Variants in THTPA observed in about 807,000 individuals in gnomAD.
The protein encoded by THTPA is thiamine-triphosphatase.
THTPA carries 16 observed loss-of-function variants against 16.5 expected under a neutral mutation model. The ratio of observed to expected loss-of-function variants is 0.97; its 90% CI spans 0.66 to 1.47. THTPA has a LOEUF of 1.47. THTPA is among the 40% of genes most tolerant of loss of function. The pLI is 0.00. For synonymous variants in THTPA, 110 were observed against 115.5 expected, an observed-to-expected ratio of 0.95 and a Z score of 0.30; for missense variants, 281 against 280.9, an observed-to-expected ratio of 1.00 and a Z score of 0.00.
Position 23,556,741 on chromosome 14 carries a change from A to T in THTPA, c.-17A>T. The T allele has an allele frequency of 6.2e-7, 1 of 1,606,674 alleles. No homozygotes were observed. Among genetic ancestry groups the T allele is most frequent in the South Asian group, 1.1e-5 (1 of 89,852 alleles). On this transcript the variant is annotated 5_prime_UTR_variant, in exon 1 of 2. Transcript: ENST00000288014. Reference sequence around the variant, plus strand: ...TTGGGAACTCAGCAAACGTTTGTTCAGCCAATTGCAGGTAGCATGGCCCAG... The same window carrying T: ...TTGGGAACTCAGCAAACGTTTGTTCTGCCAATTGCAGGTAGCATGGCCCAG...
rs767290299 is a variant in THTPA at position 23,557,316 on chromosome 14, A to C, written c.547+12A>C. 7 of 1,575,242 alleles carry C rather than the reference A, an allele frequency of 4.4e-6. No homozygotes were observed. The African/African-American group carries it at 9.4e-5, about 21-fold the overall frequency. ...CAGCAGCATGCTTGGTGAGGGAGAC[A>C]GGCCCTTTTGTGCTTTTCCTGCTCC... On this transcript the variant is annotated intron_variant, in intron 1 of 1. Coordinates refer to ENST00000288014, the MANE Select transcript of THTPA (RefSeq NM_024328.6).
chr14:23,533,508 C>T, the THTPA span: 1 of 1,536,080 alleles, frequency 6.5e-7, no homozygotes, highest in Non-Finnish European at 8.7e-7. This position sits in a 1 kb window ranked among gnomAD's most constrained non-coding sequence, Gnocchi z 4.8. Context: ...GTGGCAGGCC[C>T]AGCGGCAGCC....
chr14:23,531,415 C>T, the THTPA span: 2 of 1,345,820 alleles, frequency 1.5e-6, no homozygotes, highest in Non-Finnish European at 1.9e-6. Flanking sequence ...CTCCGCAGCC[C>T]CCCTGCTCCC....
At chr14:23,522,393 CA>C in the THTPA span, 2 of 1,536,358 alleles carry the variant, frequency 1.3e-6, no homozygotes, top group Non-Finnish European at 1.7e-6. Context: ...TCAACCTCAC[CA>C]GCTTCCCCCT....
At chr14:23,550,847 T>C in the THTPA span, among the ~76,000 whole-genome samples, 4 of 151,990 alleles carry the variant, frequency 2.6e-5, no homozygotes, top group South Asian at 8.3e-4. Flanking sequence ...CCCAGCGCGC[T>C]AGCCCATCCA....
chr14:23,521,696 T>C, the THTPA span: 2 of 484,684 alleles, frequency 4.1e-6, no homozygotes, highest in Non-Finnish European at 7.2e-6. Flanking sequence ...CCAAGATGGG[T>C]GTATGTGTCT....
chr14:23,517,254 CAT>C, the THTPA span, among the ~76,000 whole-genome samples: 1 of 152,198 alleles, frequency 6.6e-6, no homozygotes, highest in African/African-American at 2.4e-5. Context: ...CTTCCCATAA[CAT>C]ATAGTTTCTC....
chr14:23,555,403 C>T (rs1443458676), upstream of THTPA, among the ~76,000 whole-genome samples: 1 of 152,166 alleles, frequency 6.6e-6, no homozygotes, highest in Non-Finnish European at 1.5e-5. Flanking sequence ...AAGGCTTTTC[C>T]CTCAACTGCA....
At chr14:23,541,018 T>G in the THTPA span, among the ~76,000 whole-genome samples, 1 of 152,084 alleles carries the variant, frequency 6.6e-6, no homozygotes, top group African/African-American at 2.4e-5. Flanking sequence ...TGATTCTCCC[T>G]GCCATAGCCT....
At chr14:23,555,207 C>T (rs924155592), upstream of THTPA, among the ~76,000 whole-genome samples, 4 of 152,112 alleles carry the variant, frequency 2.6e-5, no homozygotes, top group African/African-American at 7.2e-5. Context: ...CCATGTTGGC[C>T]AGGCTGGTCT....
chr14:23,518,742 G>T, the THTPA span, among the ~76,000 whole-genome samples: 4 of 152,188 alleles, frequency 2.6e-5, no homozygotes, highest in Admixed American at 1.3e-4. The surrounding 1 kb of genome is among the most constrained non-coding windows in gnomAD (Gnocchi z 4.5). Context: ...GTGTTATTGT[G>T]CCAAATGCTT....
the THTPA span, chr14:23,527,901 CTTT>C: frequency 0.039 from 16,794 of 432,736 alleles, no homozygotes; most frequent in East Asian, 0.055. Context: ...GCCCCCACTC[CTTT>C]TTTTTTTTTT....
At chr14:23,552,406 C>T (rs1020949616), upstream of THTPA, among the ~76,000 whole-genome samples, 1 of 151,292 alleles carries the variant, frequency 6.6e-6, no homozygotes. Context: ...GATTCTCCTA[C>T]CTCAGCCTCC....
chr14:23,527,538 C>G, the THTPA span: 12 of 1,523,278 alleles, frequency 7.9e-6, no homozygotes, highest in Non-Finnish European at 1.1e-5. Flanking sequence ...ACCCCTGCCT[C>G]TTCCTCCCCT....
chr14:23,529,571 TG>T, the THTPA span: 1 of 872,538 alleles, frequency 1.1e-6, no homozygotes, highest in Non-Finnish European at 1.8e-6. Context: ...GAACTGGATC[TG>T]GGTGGAATTT....
chr14:23,534,659 C>A, the THTPA span: 1 of 1,536,188 alleles, frequency 6.5e-7, no homozygotes, highest in Middle Eastern at 1.7e-4. This position sits in a 1 kb window ranked among gnomAD's most constrained non-coding sequence, Gnocchi z 4.5. Flanking sequence ...CCCATGGGGC[C>A]ATCTTTGGGA....
the THTPA span, among the ~76,000 whole-genome samples, chr14:23,535,834 C>T: frequency 2.0e-5 from 3 of 152,140 alleles, no homozygotes; most frequent in South Asian, 2.1e-4. This position sits in a 1 kb window ranked among gnomAD's most constrained non-coding sequence, Gnocchi z 4.5. Context: ...TCAAGTGATC[C>T]GCCCACCTCG....
chr14:23,531,781 CT>C, the THTPA span: 33,851 of 960,202 alleles, frequency 0.035, no homozygotes, highest in East Asian at 0.047. Context: ...CCTCAGGGGA[CT>C]TTTTTTTTTT....
chr14:23,557,043 C>A lies in THTPA; in HGVS notation c.286C>A (p.Leu96Met). The A allele has an allele frequency of 6.2e-7, 1 of 1,614,220 alleles. No individual in the cohort carries two copies. The highest frequency in any genetic ancestry group is 8.5e-7 in the Non-Finnish European group (1 of 1,180,046). ...PTIVAQLCKV[L>M]RADGLGAGDV... is the part of the protein sequence containing the mutation. Reference sequence around the variant, plus strand: ...AATTGTGGCCCAACTCTGTAAGGTGCTGCGGGCTGACGGCCTGGGGGCTGG... The same window carrying A: ...AATTGTGGCCCAACTCTGTAAGGTGATGCGGGCTGACGGCCTGGGGGCTGG... Residue 96 changes from leucine (L) to methionine (M), a missense_variant, in exon 1 of 2, where the codon CTG (leucine) becomes ATG (methionine). Physicochemically the swap from Leu to Met is conservative, Grantham distance 15. Coordinates refer to ENST00000288014, the MANE Select transcript of THTPA (RefSeq NM_024328.6).
Sources: allele counts gnomAD v4.1 joint callset (sites outside exome capture counted in the v4.1 genomes callset), GRCh38; gene constraint gnomAD v4.1.1; non-coding constraint Gnocchi (gnomAD v3.1); transcripts MANE v1.5; gene names NCBI Gene and HGNC (gene_info 2026-07-23, HGNC 2026-07-21).